Variants in IGSF21 observed in about 807,000 individuals in gnomAD.
IGSF21 encodes the protein immunoglobulin superfamily member 21.
In IGSF21, 28 loss-of-function variants were observed where a neutral mutation model predicts 46.8. The ratio of observed to expected loss-of-function variants is 0.60; its 90% CI spans 0.44 to 0.82. The LOEUF (loss-of-function observed/expected upper bound fraction) is 0.82, where lower values mean the gene tolerates loss of function less well. IGSF21 is among the 40% of genes least tolerant of loss of function. The pLI is 0.00. For missense variants in IGSF21, 624 were observed against 665.5 expected (o/e 0.94, Z 0.69); for synonymous variants, 284 against 273.6 (o/e 1.04, Z -0.38).
chr1:18,323,547 G>C (rs2085626307), intron 3 of IGSF21, among the ~76,000 whole-genome samples: 1 of 152,206 alleles, frequency 6.6e-6, no homozygotes, highest in African/African-American at 2.4e-5. Context: ...AAGGAGCTAA[G>C]GCAGCTGGGC....
At chr1:18,276,806 C>A (rs577084480) in intron 2 of IGSF21, among the ~76,000 whole-genome samples, 1 of 152,156 alleles carries the variant, frequency 6.6e-6, no homozygotes, top group African/African-American at 2.4e-5. Flanking sequence ...CCACCCTTCC[C>A]GCTGCCTGCC....
intron 1 of IGSF21, among the ~76,000 whole-genome samples, chr1:18,200,807 C>T (rs1242809856): frequency 6.6e-6 from 1 of 152,128 alleles, no homozygotes; most frequent in East Asian, 1.9e-4. Flanking sequence ...TCCACGTTGC[C>T]CTTGGATCAG....
At chr1:18,177,392 GGTGT>G (rs3041401) in intron 1 of IGSF21, among the ~76,000 whole-genome samples, 8,620 of 123,670 alleles carry the variant, frequency 0.07, 550 homozygotes, top group African/African-American at 0.15. Context: ...GGGTCAGTGA[GGTGT>G]GTGTGTGTGT....
intron 2 of IGSF21, among the ~76,000 whole-genome samples, chr1:18,266,277 G>A (rs2084988891): frequency 6.6e-6 from 1 of 152,184 alleles, no homozygotes; most frequent in African/African-American, 2.4e-5. Flanking sequence ...CACACAGCCA[G>A]TATATGGTAG....
At chr1:18,120,205 G>C (rs1012866924) in intron 1 of IGSF21, among the ~76,000 whole-genome samples, 1 of 152,262 alleles carries the variant, frequency 6.6e-6, no homozygotes, top group African/African-American at 2.4e-5. Context: ...AGCTAGAAGA[G>C]TGGGGCACTT....
At chr1:18,347,546 C>G (rs2085906978) in intron 4 of IGSF21, among the ~76,000 whole-genome samples, 1 of 152,186 alleles carries the variant, frequency 6.6e-6, no homozygotes, top group East Asian at 1.9e-4. Flanking sequence ...ATCTGTATCC[C>G]CATTTTACAG....
chr1:18,159,682 T>C, intron 1 of IGSF21, among the ~76,000 whole-genome samples: 1 of 100,342 alleles, frequency 1.0e-5, no homozygotes, highest in Middle Eastern at 7.0e-3. Flanking sequence ...GTCTCGGGTA[T>C]GTCTTTTTTT....
chr1:18,362,453 T>A (rs871288), intron 5 of IGSF21, among the ~76,000 whole-genome samples: 1 of 152,022 alleles, frequency 6.6e-6, no homozygotes, highest in African/African-American at 2.4e-5. Context: ...AACCCCCACT[T>A]CTCCTGGAGA....
At chr1:18,154,913 G>C (rs2086554664) in intron 1 of IGSF21, among the ~76,000 whole-genome samples, 1 of 151,852 alleles carries the variant, frequency 6.6e-6, no homozygotes, top group South Asian at 2.1e-4. Context: ...CTGGAGGACT[G>C]TCTGGAGGAA....
Position 18,291,966 on chromosome 1 carries a change from T to C in IGSF21, c.284T>C (p.Leu95Pro). The C allele has an allele frequency of 6.2e-7, 1 of 1,607,878 alleles. No homozygotes were observed. Among genetic ancestry groups the C allele is most frequent in the Middle Eastern group, 1.7e-4 (1 of 6,030 alleles). The change falls in exon 3 of 10, where the codon CTG becomes CCG. Residue 95 changes from leucine (L) to proline (P), a missense_variant. Coordinates refer to ENST00000251296, the MANE Select transcript of IGSF21 (RefSeq NM_032880.5). ...HMENYRKRED[L>P]VYQSTVRLPE... ...GAGAACTACCGCAAGCGAGAGGACC[T>C]GGTGTACCAGTCCACTGTGAGGTGA...
intron 3 of IGSF21, among the ~76,000 whole-genome samples, chr1:18,302,939 C>G (rs891281101): frequency 6.6e-6 from 1 of 152,182 alleles, no homozygotes; most frequent in Non-Finnish European, 1.5e-5. Flanking sequence ...CTGGAACTCC[C>G]AGAACACACC....
At position 18,357,242 on chromosome 1, in the gene IGSF21, A is replaced by G. The variant is rs550493121; in HGVS notation, c.425-4873A>G. Among the ~76,000 whole-genome samples, 6 of 136,120 alleles carry G rather than the reference A, an allele frequency of 4.4e-5. No homozygotes were observed. In the East Asian group the frequency reaches 1.3e-3, roughly 28 times the overall value. 89.3% of individuals were successfully genotyped at this position (136,120 alleles called of 152,430 possible). The stretch of plus-strand genomic sequence containing the variant: ...GGTAGATATGGGTTTGGAGATGAAG[A>G]TGGGGTTGGGGATGGTGATAAAAAC... On this transcript the variant is annotated intron_variant, in intron 4 of 9. Coordinates refer to ENST00000251296, the MANE Select transcript of IGSF21 (RefSeq NM_032880.5).
chr1:18,232,549 C>T (rs2084638446), intron 2 of IGSF21, among the ~76,000 whole-genome samples: 3 of 152,120 alleles, frequency 2.0e-5, no homozygotes, highest in Non-Finnish European at 4.4e-5. Flanking sequence ...AAACTGAGGC[C>T]ATTCGAAGAG....
At chr1:18,352,661 C>T (rs2085969793) in intron 4 of IGSF21, among the ~76,000 whole-genome samples, 1 of 152,208 alleles carries the variant, frequency 6.6e-6, no homozygotes, top group African/African-American at 2.4e-5. Context: ...CAGTTGGGTC[C>T]GCTCTGCCCG....
chr1:18,192,589 A>G (rs1162954108), intron 1 of IGSF21, among the ~76,000 whole-genome samples: 3 of 152,198 alleles, frequency 2.0e-5, no homozygotes, highest in Non-Finnish European at 4.4e-5. Context: ...ACTGGGGACC[A>G]CAAGGTTCAG....
intron 1 of IGSF21, among the ~76,000 whole-genome samples, chr1:18,127,289 G>C (rs1039943530): frequency 1.3e-5 from 2 of 152,164 alleles, no homozygotes; most frequent in African/African-American, 4.8e-5. Context: ...CTATGTGAGG[G>C]GAGTACAGCA....
intron 1 of IGSF21, among the ~76,000 whole-genome samples, chr1:18,175,991 G>C (rs571416159): frequency 6.6e-6 from 1 of 152,192 alleles, no homozygotes; most frequent in African/African-American, 2.4e-5. Context: ...CAGTCCCTGG[G>C]CATGCCGCTG....
intron 2 of IGSF21, among the ~76,000 whole-genome samples, chr1:18,259,094 A>G (rs1156584220): frequency 4.6e-5 from 7 of 152,152 alleles, no homozygotes; most frequent in Admixed American, 6.5e-5. Flanking sequence ...GTGAATAAAT[A>G]AAACAGTAAA....
intron 1 of IGSF21, among the ~76,000 whole-genome samples, chr1:18,188,742 A>G (rs1479962175): frequency 6.6e-6 from 1 of 152,230 alleles, no homozygotes; most frequent in East Asian, 1.9e-4. Context: ...TGACATTATT[A>G]TGGTCCCCAT....
Sources: allele counts gnomAD v4.1 joint callset (sites outside exome capture counted in the v4.1 genomes callset), GRCh38; gene constraint gnomAD v4.1.1; transcripts MANE v1.5; gene names NCBI Gene and HGNC (gene_info 2026-07-23, HGNC 2026-07-21).